The following UPK1A variants were observed in gnomAD, a reference collection of about 807,000 sequenced individuals.
UPK1A encodes the protein uroplakin-1a.
A neutral mutation model predicts 32.3 loss-of-function variants in UPK1A; 31 were observed. The observed-to-expected ratio is 0.96, with a 90% confidence interval of 0.72 to 1.30. UPK1A has a LOEUF of 1.30. Among genes scored for constraint, UPK1A ranks in the 50% most tolerant of loss-of-function variants. The probability of loss-of-function intolerance (pLI) is 0.00; values close to 1 mark genes in which losing one functional copy is unlikely to be tolerated. For synonymous variants in UPK1A, 135 were observed against 137.1 expected (o/e 0.98, Z 0.11); for missense variants, 340 against 357.4 (o/e 0.95, Z 0.39).
At chr19:35,668,874 G>A (rs1231241524) in intron 3 of UPK1A, among the ~76,000 whole-genome samples, 1 of 151,034 alleles carries the variant, frequency 6.6e-6, no homozygotes, top group Non-Finnish European at 1.5e-5. Flanking sequence ...GTAAAGATGG[G>A]GGTCTCACTA....
intron 3 of UPK1A, among the ~76,000 whole-genome samples, chr19:35,668,982 C>T (rs1213255551): frequency 6.6e-6 from 1 of 151,908 alleles, no homozygotes; most frequent in Non-Finnish European, 1.5e-5. Context: ...TCTACCTGCA[C>T]CCAGTGCAGG....
At chr19:35,668,418 C>G (rs1448841852) in intron 2 of UPK1A, 36 bp from the exon 3 acceptor site, 1 of 1,612,184 alleles carries the variant, frequency 6.2e-7, no homozygotes, top group African/African-American at 1.3e-5. Context: ...GGCTGCTGGC[C>G]CCGAGCAGAC....
At chr19:35,666,931 T>G (rs1968007675) in intron 2 of UPK1A, 35 bp downstream of exon 2, 1 of 1,608,552 alleles carries the variant, frequency 6.2e-7, no homozygotes, top group African/African-American at 1.3e-5. Flanking sequence ...GCCGAGTGGT[T>G]GTGTGGTGGG....
At chr19:35,670,885 T>C (rs1461572117) in intron 3 of UPK1A, among the ~76,000 whole-genome samples, 1 of 151,620 alleles carries the variant, frequency 6.6e-6, no homozygotes, top group South Asian at 2.1e-4. Context: ...CAGCTAATTT[T>C]TGTATTTTTT....
exon 4 of UPK1A, chr19:35,673,305 A>T (rs1968130770): frequency 6.2e-7 from 1 of 1,613,832 alleles, no homozygotes; most frequent in African/African-American, 1.3e-5. Flanking sequence ...CACCGTGACT[A>T]CGTGAGCCCG....
chr19:35,667,683 G>A (rs926299565), intron 2 of UPK1A, among the ~76,000 whole-genome samples: 7 of 151,932 alleles, frequency 4.6e-5, no homozygotes, highest in African/African-American at 1.7e-4. Flanking sequence ...TAGAAGAGAT[G>A]GGGTTTCACC....
intron 5 of UPK1A, among the ~76,000 whole-genome samples, chr19:35,674,756 A>C (rs1258725194): frequency 6.6e-6 from 1 of 152,032 alleles, no homozygotes; most frequent in East Asian, 1.9e-4. Flanking sequence ...AAAAGGAAGA[A>C]ATTGGCTGGG....
At chr19:35,667,242 C>T (rs1968012647) in intron 2 of UPK1A, among the ~76,000 whole-genome samples, 1 of 152,180 alleles carries the variant, frequency 6.6e-6, no homozygotes, top group African/African-American at 2.4e-5. Flanking sequence ...GCCTGGTGCA[C>T]AGGAGGCCAC....
chr19:35,670,860 G>A (rs997095735), intron 3 of UPK1A, among the ~76,000 whole-genome samples: 2 of 150,592 alleles, frequency 1.3e-5, no homozygotes. Flanking sequence ...GACTACAAGT[G>A]TGCATCACCA....
exon 6 of UPK1A, chr19:35,675,855 A>G: frequency 1.2e-6 from 2 of 1,611,642 alleles, no homozygotes; most frequent in South Asian, 1.1e-5. Context: ...ATGCTGTGGC[A>G]CATCTGGTCC....
intron 3 of UPK1A, among the ~76,000 whole-genome samples, chr19:35,672,978 G>A (rs1019563979): frequency 6.6e-6 from 1 of 152,172 alleles, no homozygotes; most frequent in South Asian, 2.1e-4. Flanking sequence ...GCCTCCCAAA[G>A]TGCTGGGATT....
At chr19:35,668,050 A>C in intron 2 of UPK1A, 1 of 267,824 alleles carries the variant, frequency 3.7e-6, no homozygotes, top group Non-Finnish European at 7.3e-6. Context: ...GGCCTCCCAC[A>C]ATGCTGGGAC....
chr19:35,676,195 C>CTTTCTTTCTTTCT lies in UPK1A; in HGVS notation c.648+179_648+180insCTTTCTTTCTTTT, dbSNP rs781486173. ...TTTTTCTTTCTTTCTTTCTTTCTTT[C>CTTTCTTTCTTTCT]TTTTTTTTTTTTCAAGACCGAGTCC... is the stretch of plus-strand genomic sequence containing the variant. On this transcript the variant is annotated intron_variant, in intron 6 of 7. Coordinates refer to ENST00000617999, the Ensembl canonical transcript of UPK1A. 1.0e-5 allele frequency: 6 copies of CTTTCTTTCTTTCT among 589,856 alleles called. No homozygotes were observed. The African/African-American group carries it at 1.1e-4, about 11-fold the overall frequency. The allele number at this position is 589,856 out of a possible 1,614,324, so 36.5% of individuals were successfully genotyped here. A position where few individuals can be genotyped will look rare whatever the true frequency, so the allele number is the denominator to read the frequency against.
chr19:35,670,729 T>C (rs1463725986), intron 3 of UPK1A, among the ~76,000 whole-genome samples: 1 of 138,284 alleles, frequency 7.2e-6, no homozygotes, highest in East Asian at 2.2e-4. Flanking sequence ...TTTCTTTGTT[T>C]CTCTAGACAG....
rs1467166015 is a variant in UPK1A at position 35,673,502 on chromosome 19, A to AG, written c.428dup (p.Gln144ProfsTer13). 65 of 1,612,570 alleles carry AG rather than the reference A, an allele frequency of 4.0e-5. No homozygotes were observed. The highest frequency in any genetic ancestry group is 5.4e-5 in the Non-Finnish European group (64 of 1,179,942). ...ACCTTCTACAGCGCGGACACCGACCAGGGCCAGGAGCTGACCCGCCTCTGG... is the reference window on the plus strand; with the variant it reads ...ACCTTCTACAGCGCGGACACCGACCAGGGGCCAGGAGCTGACCCGCCTCTGG... On this transcript the variant is annotated frameshift_variant, in exon 5 of 8. Transcript: ENST00000617999. LOFTEE classifies it high-confidence loss of function.
chr19:35,675,966 C>T (rs1413162117), exon 6 of UPK1A: 2 of 1,613,746 alleles, frequency 1.2e-6, no homozygotes, highest in Non-Finnish European at 1.7e-6. Flanking sequence ...AAACTTCATC[C>T]CCCTCAACGA....
intron 3 of UPK1A, 107 bp downstream of exon 3, chr19:35,668,761 G>C: frequency 8.0e-7 from 1 of 1,246,600 alleles, no homozygotes; most frequent in Non-Finnish European, 1.1e-6. Flanking sequence ...TCCCCATGGT[G>C]TCACACTCAG....
chr19:35,669,110 G>C (rs941869058), intron 3 of UPK1A, among the ~76,000 whole-genome samples: 1 of 152,052 alleles, frequency 6.6e-6, no homozygotes, highest in Non-Finnish European at 1.5e-5. Flanking sequence ...GTTCTAAATG[G>C]TTTACTGGAT....
chr19:35,676,195 C>CTT (rs747589460), intron 6 of UPK1A, 176 bp downstream of exon 6: 208 of 588,004 alleles, frequency 3.5e-4, no homozygotes, highest in Middle Eastern at 1.5e-3. Context: ...TTCTTTCTTT[C>CTT]TTTTTTTTTT....
Sources: allele counts gnomAD v4.1 joint callset (sites outside exome capture counted in the v4.1 genomes callset), GRCh38; gene constraint gnomAD v4.1.1; transcripts MANE v1.5; gene names NCBI Gene and HGNC (gene_info 2026-07-23, HGNC 2026-07-21).